Variants in RYR2 observed in about 807,000 individuals in gnomAD.
RYR2 encodes ryanodine receptor 2.
Under a neutral mutation model 601.1 loss-of-function variants are expected in RYR2, and 227 were observed. The ratio of observed to expected loss-of-function variants is 0.38; its 90% CI spans 0.34 to 0.42. The LOEUF is 0.42. RYR2 is among the 10% of genes least tolerant of loss of function. The pLI, the probability that RYR2 is intolerant of heterozygous loss-of-function variation, is 1.00. For missense variants in RYR2, 4,646 were observed against 6,156.5 expected (o/e 0.75, Z 8.21); for synonymous variants, 2,223 against 2,175.1 (o/e 1.02, Z -0.61).
At chr1:237,170,261 G>T (rs1257747529) in intron 1 of RYR2, among the ~76,000 whole-genome samples, 1 of 152,180 alleles carries the variant, frequency 6.6e-6, no homozygotes, top group Non-Finnish European at 1.5e-5. Flanking sequence ...AAAGGAGCCT[G>T]CCCTGGAAAC....
chr1:237,789,090 G>A (rs1479262928), intron 92 of RYR2, among the ~76,000 whole-genome samples: 1 of 151,770 alleles, frequency 6.6e-6, no homozygotes, highest in African/African-American at 2.4e-5. Flanking sequence ...GGGAGGAAAA[G>A]GATAGGGGAT....
chr1:237,565,163 CTTTCTTTCTTTCTTTCTT>C (rs536176684), intron 27 of RYR2, among the ~76,000 whole-genome samples: 11 of 83,830 alleles, frequency 1.3e-4, no homozygotes, highest in African/African-American at 5.3e-4. Flanking sequence ...CTTTCTCTTT[CTTTCTTTCTTTCTTTCTT>C]TCTTTCTTTC....
At chr1:237,239,383 T>C (rs895736004) in intron 1 of RYR2, among the ~76,000 whole-genome samples, 8 of 152,058 alleles carry the variant, frequency 5.3e-5, no homozygotes, top group Non-Finnish European at 5.9e-5. Context: ...CATGGTGAAA[T>C]GCACGGGGTT....
intron 101 of RYR2, among the ~76,000 whole-genome samples, chr1:237,820,939 C>A (rs1243635752): frequency 6.6e-6 from 1 of 152,182 alleles, no homozygotes; most frequent in Non-Finnish European, 1.5e-5. Flanking sequence ...CACTGCAGCT[C>A]AGCAAGGCCA....
intron 1 of RYR2, among the ~76,000 whole-genome samples, chr1:237,164,477 T>C (rs1336913978): frequency 2.6e-5 from 4 of 152,062 alleles, no homozygotes; most frequent in Non-Finnish European, 5.9e-5. Flanking sequence ...AGACAAATAT[T>C]CAAGGTTGGG....
chr1:237,500,446 A>G (rs1375819841), intron 20 of RYR2, among the ~76,000 whole-genome samples: 1 of 152,216 alleles, frequency 6.6e-6, no homozygotes, highest in Non-Finnish European at 1.5e-5. Flanking sequence ...TTTCTGGATC[A>G]GTTGCCATCC....
At chr1:237,263,711 G>T (rs988078500) in intron 1 of RYR2, among the ~76,000 whole-genome samples, 3 of 152,096 alleles carry the variant, frequency 2.0e-5, no homozygotes, top group African/African-American at 7.2e-5. Flanking sequence ...CCCCCTTGCT[G>T]GGATCAAATT....
chr1:237,245,157 C>T (rs956979874), intron 1 of RYR2, among the ~76,000 whole-genome samples: 2 of 151,286 alleles, frequency 1.3e-5, no homozygotes, highest in African/African-American at 2.4e-5. Context: ...TTTGAGACTG[C>T]AGTGAACTAT....
intron 17 of RYR2, among the ~76,000 whole-genome samples, chr1:237,480,944 T>A (rs1661997608): frequency 6.6e-6 from 1 of 152,056 alleles, no homozygotes; most frequent in Non-Finnish European, 1.5e-5. Flanking sequence ...CTGTTGCTTT[T>A]TTCTCCTTTT....
At chr1:237,573,181 T>C (rs1672871843) in intron 29 of RYR2, among the ~76,000 whole-genome samples, 1 of 151,946 alleles carries the variant, frequency 6.6e-6, no homozygotes, top group African/African-American at 2.4e-5. Context: ...TATTAAAGTA[T>C]GTGGTAAGAT....
chr1:237,760,829 T>G, intron 83 of RYR2, 126 bp from the exon 84 acceptor site: 1 of 671,096 alleles, frequency 1.5e-6, no homozygotes, highest in Non-Finnish European at 2.6e-6. Context: ...AATGGAGACA[T>G]GTTTTCAGTG....
intron 64 of RYR2, among the ~76,000 whole-genome samples, chr1:237,699,310 A>G (rs1687760285): frequency 6.6e-6 from 1 of 152,088 alleles, no homozygotes; most frequent in Non-Finnish European, 1.5e-5. Context: ...TAATCTGACA[A>G]CTCTAGAGAT....
chr1:237,313,929 T>C (rs1311067217), intron 2 of RYR2, among the ~76,000 whole-genome samples: 1 of 149,718 alleles, frequency 6.7e-6, no homozygotes, highest in Non-Finnish European at 1.5e-5. Context: ...CAGATCCTAG[T>C]ATTCAACTTC....
chr1:237,196,494 C>G (rs182813586), intron 1 of RYR2, among the ~76,000 whole-genome samples: 4 of 152,188 alleles, frequency 2.6e-5, no homozygotes, highest in Non-Finnish European at 5.9e-5. Context: ...TGCTTATTGA[C>G]TCCACTTAGA....
chr1:237,717,745 G>A (rs1484483812), intron 72 of RYR2, among the ~76,000 whole-genome samples: 1 of 152,182 alleles, frequency 6.6e-6, no homozygotes, highest in African/African-American at 2.4e-5. Flanking sequence ...ACTGTGGGTA[G>A]ATAAGGTGTT....
At chr1:237,594,525 T>C (rs912961813) in intron 33 of RYR2, among the ~76,000 whole-genome samples, 1 of 152,154 alleles carries the variant, frequency 6.6e-6, no homozygotes, top group African/African-American at 2.4e-5. Context: ...GGGGCCATGC[T>C]TAATTTTCAG....
intron 1 of RYR2, among the ~76,000 whole-genome samples, chr1:237,268,935 C>CACAAA (rs1689360401): frequency 6.2e-5 from 1 of 16,226 alleles, no homozygotes; most frequent in African/African-American, 1.8e-4. Flanking sequence ...ACTCTTGTCT[C>CACAAA]AAAAAAAAAA....
chr1:237,484,651 AT>A (rs1558898418), intron 17 of RYR2, among the ~76,000 whole-genome samples: 1 of 152,166 alleles, frequency 6.6e-6, no homozygotes, highest in African/African-American at 2.4e-5. Flanking sequence ...TTCTCAACAA[AT>A]TTTGTTCAAC....
rs953821161 is a variant in RYR2, at chr1:237,819,527, C to T, written c.14590+335C>T. On this transcript the variant is annotated intron_variant, in intron 101 of 104. Transcript: ENST00000366574. This position sits in a 1 kb window ranked among gnomAD's most constrained non-coding sequence, Gnocchi z 4.0. ...TGGGTGAGCCATTTAACCCTTTAAA[C>T]TTCTAAGCCAGCTGGGTGCGGTGGC... Among the ~76,000 whole-genome samples, 3 of 152,216 alleles carry T rather than the reference C, an allele frequency of 2.0e-5. No homozygotes were observed. The highest frequency in any genetic ancestry group is 3.4e-3 in the Middle Eastern group (1 of 294).
Sources: gnomAD v4.1 joint callset for allele counts (sites outside exome capture counted in the v4.1 genomes callset) on GRCh38, gnomAD v4.1.1 for gene constraint, Gnocchi (gnomAD v3.1) non-coding constraint, MANE v1.5 for transcripts, NCBI Gene and HGNC (gene_info 2026-07-23, HGNC 2026-07-21) for gene names.